The following KCNC2 variants were observed in gnomAD, a reference collection of about 807,000 sequenced individuals.
KCNC2 encodes potassium voltage-gated channel subfamily C member 2.
In KCNC2, 21 loss-of-function variants were observed where a neutral mutation model predicts 44.5. The observed-to-expected ratio is 0.47, with a 90% CI of 0.33 to 0.68. The LOEUF is 0.68. Ranked by LOEUF, KCNC2 falls within the 30% of genes least tolerant of loss-of-function variation. The probability of loss-of-function intolerance (pLI) is 0.01; values close to 1 mark genes in which losing one functional copy is unlikely to be tolerated. For synonymous variants in KCNC2, 391 were observed against 339.1 expected, an observed-to-expected ratio of 1.15 and a Z score of -1.68; for missense variants, 589 against 826.2, an observed-to-expected ratio of 0.71 and a Z score of 3.52.
intron 2 of KCNC2, among the ~76,000 whole-genome samples, chr12:75,056,345 T>C (rs1226751155): frequency 6.6e-6 from 1 of 152,014 alleles, no homozygotes; most frequent in African/African-American, 2.4e-5. Flanking sequence ...TCATCTCTAT[T>C]TTGTAAATGA....
intron 4 of KCNC2, 149 bp from the exon 5 acceptor site, chr12:75,043,390 C>G: frequency 7.2e-7 from 1 of 1,393,056 alleles, no homozygotes; most frequent in Non-Finnish European, 9.3e-7. Flanking sequence ...ATTTATAACT[C>G]TAAAAAAATG....
intron 4 of KCNC2, among the ~76,000 whole-genome samples, chr12:75,046,473 T>C (rs143899589): frequency 0.016 from 2,473 of 151,900 alleles, 65 homozygotes; most frequent in African/African-American, 0.054. Flanking sequence ...TTAGTATAAA[T>C]ATTACATGTG....
chr12:75,184,416 C>A (rs569995486), intron 2 of KCNC2, among the ~76,000 whole-genome samples: 2 of 152,242 alleles, frequency 1.3e-5, no homozygotes, highest in Non-Finnish European at 2.9e-5. Flanking sequence ...AGCTAATACA[C>A]TGAATTTAAT....
At position 75,051,194 on chromosome 12, in the gene KCNC2, C is replaced by T; in HGVS notation, c.811G>A (p.Val271Ile). Residue 271 changes from valine (V) to isoleucine (I), a missense_variant, in exon 3 of 5, where the codon GTT (valine) becomes ATT (isoleucine). Physicochemically the swap from Val to Ile is conservative, Grantham distance 29. This residue lies in a region of KCNC2 where 40 missense variants were observed against 40.6 expected (regional missense o/e 0.99). Transcript: ENST00000549446. ...TEPVINGTSV[V>I]LQYEIETDPA... ...TCCGTTTCAATTTCATACTGTAGAA[C>T]AACACTTGTGCCATTGATGACTGGT... 6.2e-7 allele frequency: 1 copy of T among 1,613,496 alleles called. No homozygotes were observed. The highest frequency in any genetic ancestry group is 1.1e-5 in the South Asian group (1 of 91,076).
chr12:75,138,025 C>A (rs114440189), intron 2 of KCNC2, among the ~76,000 whole-genome samples: 205 of 152,304 alleles, frequency 1.3e-3, no homozygotes, highest in African/African-American at 4.7e-3. Context: ...AGTGGATTGT[C>A]ATTGATCAAC....
intron 2 of KCNC2, among the ~76,000 whole-genome samples, chr12:75,206,516 A>G (rs2031699717): frequency 6.6e-6 from 1 of 152,236 alleles, no homozygotes; most frequent in African/African-American, 2.4e-5. Context: ...TAAAAGTAAA[A>G]TAAAGTTTGC....
chr12:75,047,728 A>G (rs1401559617), intron 4 of KCNC2, among the ~76,000 whole-genome samples: 4 of 151,648 alleles, frequency 2.6e-5, no homozygotes, highest in Admixed American at 2.0e-4. Context: ...TTACTTTGAG[A>G]AAAAAAAACT....
intron 2 of KCNC2, among the ~76,000 whole-genome samples, chr12:75,152,462 T>C (rs1208098601): frequency 6.6e-6 from 1 of 151,974 alleles, no homozygotes; most frequent in African/African-American, 2.4e-5. Flanking sequence ...ATTTGAAGCA[T>C]TTGTATGTTT....
At chr12:75,171,955 T>G (rs735637) in intron 2 of KCNC2, among the ~76,000 whole-genome samples, 40,777 of 151,632 alleles carry the variant, frequency 0.27, 5,903 homozygotes, top group African/African-American at 0.38. Flanking sequence ...TGTTCTCTTC[T>G]ATTAAGGATG....
At chr12:75,132,619 T>C (rs1408592536) in intron 2 of KCNC2, among the ~76,000 whole-genome samples, 1 of 152,180 alleles carries the variant, frequency 6.6e-6, no homozygotes, top group Non-Finnish European at 1.5e-5. Flanking sequence ...ACCTTGGTTG[T>C]AGTCATAGCT....
At chr12:75,067,592 C>G (rs1190421223) in intron 2 of KCNC2, among the ~76,000 whole-genome samples, 1 of 150,660 alleles carries the variant, frequency 6.6e-6, no homozygotes, top group Non-Finnish European at 1.5e-5. Context: ...TTCCCTGACT[C>G]TCTTCTACAT....
intron 2 of KCNC2, among the ~76,000 whole-genome samples, chr12:75,084,538 T>G (rs1318778250): frequency 1.3e-5 from 2 of 151,950 alleles, no homozygotes; most frequent in Admixed American, 1.3e-4. Flanking sequence ...TGCTTTTGTT[T>G]CTTCCTCATT....
intron 2 of KCNC2, among the ~76,000 whole-genome samples, chr12:75,152,315 G>A (rs1034064620): frequency 3.3e-5 from 5 of 150,830 alleles, no homozygotes; most frequent in Admixed American, 6.6e-5. Flanking sequence ...TAAAATCAAC[G>A]AAAAAGAAAA....
chr12:75,109,929 A>C (rs1290578150), intron 2 of KCNC2, among the ~76,000 whole-genome samples: 1 of 152,180 alleles, frequency 6.6e-6, no homozygotes, highest in African/African-American at 2.4e-5. Flanking sequence ...ATGAAAGAGA[A>C]GATGACAACT....
chr12:75,130,945 C>T (rs765421230), intron 2 of KCNC2, among the ~76,000 whole-genome samples: 25 of 152,096 alleles, frequency 1.6e-4, no homozygotes, highest in South Asian at 2.1e-4. Flanking sequence ...CCATCTGTTA[C>T]GCCTCCTGTT....
At chr12:75,126,068 C>T (rs1365587489) in intron 2 of KCNC2, among the ~76,000 whole-genome samples, 1 of 152,094 alleles carries the variant, frequency 6.6e-6, no homozygotes, top group African/African-American at 2.4e-5. Flanking sequence ...AGATGGATAT[C>T]TGATGAGCTT....
intron 2 of KCNC2, among the ~76,000 whole-genome samples, chr12:75,180,473 T>C (rs1250587011): frequency 6.6e-6 from 1 of 151,890 alleles, no homozygotes; most frequent in East Asian, 1.9e-4. Flanking sequence ...AATCAAGTTT[T>C]ATTGTTTTTT....
At chr12:75,154,872 T>C (rs906230138) in intron 2 of KCNC2, among the ~76,000 whole-genome samples, 15 of 152,044 alleles carry the variant, frequency 9.9e-5, no homozygotes, top group African/African-American at 3.6e-4. Context: ...ACACAGCAAC[T>C]GCCATGCAAG....
chr12:75,103,899 T>A (rs1241506497), intron 2 of KCNC2, among the ~76,000 whole-genome samples: 1 of 152,224 alleles, frequency 6.6e-6, no homozygotes, highest in African/African-American at 2.4e-5. Context: ...GTACTGTACT[T>A]GCCTTCCTTC....
Sources: allele counts gnomAD v4.1 joint callset (sites outside exome capture counted in the v4.1 genomes callset), GRCh38; gene constraint gnomAD v4.1.1; regional missense constraint gnomAD v4.1.1; transcripts MANE v1.5; gene names NCBI Gene and HGNC (gene_info 2026-07-23, HGNC 2026-07-21).